Variants in LMBRD1 observed in about 807,000 individuals in gnomAD.
The protein encoded by LMBRD1 is lysosomal cobalamin transport escort protein LMBD1.
Under a neutral mutation model 74.8 loss-of-function variants are expected in LMBRD1, and 64 were observed. The observed-to-expected ratio is 0.86, with a 90% CI of 0.70 to 1.05. LMBRD1 has a LOEUF of 1.05. Among genes scored for constraint, LMBRD1 ranks in the 50% least tolerant of loss-of-function variants. The pLI, the probability that LMBRD1 is intolerant of heterozygous loss-of-function variation, is 0.00. For synonymous variants in LMBRD1, 204 were observed against 216.3 expected, an observed-to-expected ratio of 0.94 and a Z score of 0.50; for missense variants, 652 against 645.9, an observed-to-expected ratio of 1.01 and a Z score of -0.10.
At chr6:69,687,698 T>C (rs1765793488) in intron 14 of LMBRD1, among the ~76,000 whole-genome samples, 1 of 152,162 alleles carries the variant, frequency 6.6e-6, no homozygotes, top group South Asian at 2.1e-4. Context: ...ATTCCACAAA[T>C]AAAGAGGGTA....
intron 14 of LMBRD1, among the ~76,000 whole-genome samples, chr6:69,687,224 T>C (rs1035162668): frequency 6.6e-6 from 1 of 152,214 alleles, no homozygotes; most frequent in Non-Finnish European, 1.5e-5. Context: ...GTGTTTGCTC[T>C]TCACTTCTTT....
intron 3 of LMBRD1, among the ~76,000 whole-genome samples, chr6:69,767,109 C>T (rs1582140679): frequency 6.6e-6 from 1 of 151,450 alleles, no homozygotes; most frequent in African/African-American, 2.4e-5. Context: ...TCCCTCTTTC[C>T]CAATGCCCTA....
rs1400642044 is a variant in LMBRD1 at position 69,675,647 on chromosome 6, T to C, written c.*511A>G. ...AGAGCACTAACTAGAGTTTGAAATCTTTTCATGAAATCTACTTGAGTGGTG... is the reference window on the plus strand; with the variant it reads ...AGAGCACTAACTAGAGTTTGAAATCCTTTCATGAAATCTACTTGAGTGGTG... On this transcript the variant is annotated 3_prime_UTR_variant, in exon 16 of 16. Transcript: ENST00000649934. Among the ~76,000 whole-genome samples, 1 of 152,202 alleles carries C rather than the reference T, an allele frequency of 6.6e-6. No individual in the cohort carries two copies. Among genetic ancestry groups the C allele is most frequent in the African/African-American group, 2.4e-5 (1 of 41,458 alleles).
intron 5 of LMBRD1, among the ~76,000 whole-genome samples, chr6:69,743,480 G>C (rs1167303724): frequency 6.6e-6 from 1 of 152,086 alleles, no homozygotes; most frequent in Non-Finnish European, 1.5e-5. Flanking sequence ...AGTTCAAATA[G>C]AGTAATACCA....
At chr6:69,691,079 C>G (rs185440326) in intron 14 of LMBRD1, among the ~76,000 whole-genome samples, 55 of 150,968 alleles carry the variant, frequency 3.6e-4, no homozygotes, top group African/African-American at 9.4e-4. Flanking sequence ...TTGTCTATGA[C>G]TTTCATTCCT....
chr6:69,732,246 TGGA>T (rs1169354116), intron 7 of LMBRD1, among the ~76,000 whole-genome samples: 3 of 152,104 alleles, frequency 2.0e-5, no homozygotes, highest in Non-Finnish European at 4.4e-5. Flanking sequence ...TATTTGTAGG[TGGA>T]GTTTTCAAGA....
At chr6:69,705,921 T>A in intron 9 of LMBRD1, 1 of 1,239,424 alleles carries the variant, frequency 8.1e-7, no homozygotes, top group Non-Finnish European at 1.2e-6. Flanking sequence ...GTACAGACAT[T>A]TTCAAAGTTG....
chr6:69,722,887 T>C (rs528390019), intron 7 of LMBRD1, among the ~76,000 whole-genome samples: 1 of 152,214 alleles, frequency 6.6e-6, no homozygotes, highest in South Asian at 2.1e-4. Context: ...TCAAAAGACA[T>C]AGACTGATTG....
chr6:69,701,451 G>A lies in LMBRD1; in HGVS notation c.1075C>T (p.Leu359=). ...SNPLNMLLPL[L]QTVFPLDYIL... ...ATTGATATTTTACTTACTGTTTGTA[G>A]TAAAGGCAAAAGCATATTCAGTGGA... Residue 359 remains leucine, a synonymous_variant, in exon 11 of 16, where the codon CTA becomes TTA. Coordinates refer to ENST00000649934, the MANE Select transcript of LMBRD1 (RefSeq NM_018368.4). 6.3e-7 allele frequency: 1 copy of A among 1,578,956 alleles called. No homozygotes were observed. Among genetic ancestry groups the A allele is most frequent in the East Asian group, 2.2e-5 (1 of 44,466 alleles).
chr6:69,704,291 T>A (rs1766200212), intron 9 of LMBRD1, among the ~76,000 whole-genome samples: 1 of 152,136 alleles, frequency 6.6e-6, no homozygotes, highest in African/African-American at 2.4e-5. Context: ...AACAATACGT[T>A]TTTTTCTGTG....
intron 3 of LMBRD1, among the ~76,000 whole-genome samples, chr6:69,764,431 C>T (rs916668793): frequency 6.6e-6 from 1 of 152,166 alleles, no homozygotes; most frequent in Non-Finnish European, 1.5e-5. Context: ...CAAACCAAAT[C>T]TGCTGGCTCC....
At chr6:69,747,160 A>C (rs936085843) in intron 5 of LMBRD1, among the ~76,000 whole-genome samples, 4 of 152,148 alleles carry the variant, frequency 2.6e-5, no homozygotes, top group Non-Finnish European at 5.9e-5. Flanking sequence ...TGTTAAATGA[A>C]GTCACAAGGG....
chr6:69,682,523 A>G (rs1273710989), intron 14 of LMBRD1, among the ~76,000 whole-genome samples: 8 of 151,966 alleles, frequency 5.3e-5, no homozygotes, highest in African/African-American at 1.9e-4. Context: ...TTTTATTACT[A>G]ATTGGCCATA....
chr6:69,739,438 A>G (rs1312901128), intron 6 of LMBRD1, among the ~76,000 whole-genome samples: 1 of 151,916 alleles, frequency 6.6e-6, no homozygotes, highest in African/African-American at 2.4e-5. Context: ...AATAAATCCT[A>G]TTGTAAACAA....
At chr6:69,763,814 T>G (rs1765422365) in intron 3 of LMBRD1, among the ~76,000 whole-genome samples, 1 of 152,210 alleles carries the variant, frequency 6.6e-6, no homozygotes, top group African/African-American at 2.4e-5. Context: ...TAATAGTATC[T>G]GCATTGCTAG....
At chr6:69,752,455 C>A in intron 3 of LMBRD1, 99 bp from the exon 4 acceptor site, 1 of 960,826 alleles carries the variant, frequency 1.0e-6, no homozygotes, top group Non-Finnish European at 1.6e-6. Context: ...CAAATTCACT[C>A]CCCTATCTGA....
intron 3 of LMBRD1, among the ~76,000 whole-genome samples, chr6:69,775,186 C>T (rs770350721): frequency 7.2e-5 from 11 of 152,036 alleles, no homozygotes; most frequent in Non-Finnish European, 1.6e-4. Flanking sequence ...TGAAAATGAA[C>T]AACTTTACCC....
Position 69,751,548 on chromosome 6 carries a change from T to G in LMBRD1, c.405+711A>C, listed in dbSNP as rs9454883. Among the ~76,000 whole-genome samples, 537 of 152,236 alleles carry G rather than the reference T, an allele frequency of 3.5e-3. 5 individuals carry two copies. The highest frequency in any genetic ancestry group is 0.012 in the African/African-American group (509 of 41,560). On this transcript the variant is annotated intron_variant, in intron 4 of 15. Transcript: ENST00000649934. ...CGCCATGTTGGCCAGGCTGGTCTCTTAACTCCTGACCTCAGGTGATCCGCC... is the reference window on the plus strand; with the variant it reads ...CGCCATGTTGGCCAGGCTGGTCTCTGAACTCCTGACCTCAGGTGATCCGCC...
chr6:69,695,909 T>C (rs1451934461), intron 14 of LMBRD1, among the ~76,000 whole-genome samples: 2 of 151,332 alleles, frequency 1.3e-5, no homozygotes, highest in East Asian at 3.9e-4. Context: ...AGTGGCACGA[T>C]CTCAGCTCAC....
Sources: allele counts gnomAD v4.1 joint callset (sites outside exome capture counted in the v4.1 genomes callset), GRCh38; gene constraint gnomAD v4.1.1; transcripts MANE v1.5; gene names NCBI Gene and HGNC (gene_info 2026-07-23, HGNC 2026-07-21).